Variants in CRYBA4 observed in about 807,000 individuals in gnomAD.
The protein encoded by CRYBA4 is crystallin beta A4, also known as beta-crystallin A4.
A neutral mutation model predicts 31.7 loss-of-function variants in CRYBA4; 30 were observed. The ratio of observed to expected loss-of-function variants is 0.95; its 90% CI spans 0.71 to 1.28. CRYBA4 has a LOEUF of 1.28. Ranked by LOEUF, CRYBA4 falls within the 50% of genes most tolerant of loss-of-function variation. CRYBA4 has a pLI of 0.00. For synonymous variants in CRYBA4, 102 were observed against 102.3 expected (o/e 1.00, Z 0.02); for missense variants, 225 against 260.7 (o/e 0.86, Z 0.94).
At chr22:26,604,982 C>T in the CRYBA4 span, among the ~76,000 whole-genome samples, 2 of 152,280 alleles carry the variant, frequency 1.3e-5, no homozygotes, top group South Asian at 4.1e-4. Flanking sequence ...TTCCTCCACT[C>T]CCTCTGCTGC....
the CRYBA4 span, among the ~76,000 whole-genome samples, chr22:26,612,735 C>G: frequency 6.6e-6 from 1 of 152,182 alleles, no homozygotes; most frequent in Non-Finnish European, 1.5e-5. Context: ...TTGTGCTATT[C>G]CTCCTGCCTG....
chr22:26,608,036 G>A, the CRYBA4 span: 1 of 1,614,114 alleles, frequency 6.2e-7, no homozygotes, highest in African/African-American at 1.3e-5. Flanking sequence ...ATACAAGAAG[G>A]ACCATGAGGC....
chr22:26,616,904 C>G, the CRYBA4 span, among the ~76,000 whole-genome samples: 3 of 152,246 alleles, frequency 2.0e-5, no homozygotes, highest in African/African-American at 7.2e-5. Context: ...ATGGAGCCAG[C>G]AACTGGGCTT....
chr22:26,599,300 T>C, the CRYBA4 span: 1 of 604,054 alleles, frequency 1.7e-6, no homozygotes, highest in Non-Finnish European at 2.9e-6. Context: ...TTTGCTGCTT[T>C]TATTATCGTT....
the CRYBA4 span, among the ~76,000 whole-genome samples, chr22:26,593,885 C>A: frequency 3.3e-5 from 5 of 152,156 alleles, no homozygotes; most frequent in African/African-American, 1.2e-4. Flanking sequence ...TTATTATATT[C>A]AAGCTGATCA....
chr22:26,623,800 T>TGA (rs931775584), intron 3 of CRYBA4, among the ~76,000 whole-genome samples: 1 of 146,730 alleles, frequency 6.8e-6, no homozygotes, highest in Non-Finnish European at 1.5e-5. Context: ...AAAAAGAGAG[T>TGA]GAGAGAGAGA....
chr22:26,604,737 G>A, the CRYBA4 span, among the ~76,000 whole-genome samples: 2 of 152,240 alleles, frequency 1.3e-5, no homozygotes, highest in African/African-American at 4.8e-5. Context: ...AGGGATGTAA[G>A]CACAGGGGAC....
the CRYBA4 span, chr22:26,599,245 C>T: frequency 1.8e-6 from 1 of 543,640 alleles, no homozygotes; most frequent in East Asian, 3.1e-5. Flanking sequence ...TTTCTGCCTA[C>T]ACATTTGGTA....
chr22:26,622,541 C>T, intron 1 of CRYBA4, 44 bp from the exon 2 acceptor site: 1 of 1,552,608 alleles, frequency 6.4e-7, no homozygotes, highest in Non-Finnish European at 8.9e-7. Context: ...AAGAGGAGAG[C>T]AGAGGGTCAG....
chr22:26,623,069 C>A (rs1403968554), intron 2 of CRYBA4, among the ~76,000 whole-genome samples, 165 bp from the exon 3 acceptor site: 1 of 152,268 alleles, frequency 6.6e-6, no homozygotes, highest in East Asian at 1.9e-4. Context: ...GGCACCTGTG[C>A]TGTCTAGTGT....
At chr22:26,603,494 C>T in the CRYBA4 span, among the ~76,000 whole-genome samples, 3 of 151,904 alleles carry the variant, frequency 2.0e-5, no homozygotes, top group African/African-American at 7.3e-5. Context: ...CACACCACTG[C>T]ACTCCAGCCT....
the CRYBA4 span, among the ~76,000 whole-genome samples, chr22:26,596,970 C>T: frequency 6.6e-6 from 1 of 152,190 alleles, no homozygotes. Flanking sequence ...GGTTAATACC[C>T]TTTTATTCCC....
At chr22:26,604,642 G>A in the CRYBA4 span, among the ~76,000 whole-genome samples, 1 of 152,194 alleles carries the variant, frequency 6.6e-6, no homozygotes, top group Admixed American at 6.5e-5. Context: ...GGCAGAGAAG[G>A]CATAGGCAAA....
At chr22:26,616,661 G>A in the CRYBA4 span, among the ~76,000 whole-genome samples, 4 of 152,106 alleles carry the variant, frequency 2.6e-5, no homozygotes, top group Non-Finnish European at 4.4e-5. Flanking sequence ...TGATTTGCTT[G>A]TGCAACTCCA....
chr22:26,612,055 C>G, the CRYBA4 span: 1 of 1,571,270 alleles, frequency 6.4e-7, no homozygotes, highest in East Asian at 2.2e-5. Flanking sequence ...TGTGCCCCTC[C>G]GCCGCCCAGT....
At chr22:26,617,574 TTCTC>T (rs144409587), upstream of CRYBA4, among the ~76,000 whole-genome samples, 1 of 151,296 alleles carries the variant, frequency 6.6e-6, no homozygotes, top group South Asian at 2.1e-4. Flanking sequence ...GATATTCTCA[TTCTC>T]TCTCTCTCCC....
At chr22:26,607,706 A>AGTGAGT in the CRYBA4 span, among the ~76,000 whole-genome samples, 1 of 152,142 alleles carries the variant, frequency 6.6e-6, no homozygotes, top group Non-Finnish European at 1.5e-5. Flanking sequence ...CTGGGTATGT[A>AGTGAGT]GTGAGTGTGT....
chr22:26,620,838 C>T (rs1203962444), upstream of CRYBA4, among the ~76,000 whole-genome samples: 7 of 152,196 alleles, frequency 4.6e-5, no homozygotes, highest in Non-Finnish European at 2.9e-5. Context: ...GCTGAGATTA[C>T]AGGCGTGAGC....
chr22:26,620,808 C>A (rs970973932), upstream of CRYBA4, among the ~76,000 whole-genome samples: 1 of 152,076 alleles, frequency 6.6e-6, no homozygotes. Flanking sequence ...GGTGATCCAC[C>A]CACCTCGGCC....
Sources: gnomAD v4.1 joint callset for allele counts (sites outside exome capture counted in the v4.1 genomes callset) on GRCh38, gnomAD v4.1.1 for gene constraint, MANE v1.5 for transcripts, NCBI Gene and HGNC (gene_info 2026-07-23, HGNC 2026-07-21) for gene names.